Variants in CC2D1A observed in about 807,000 individuals in gnomAD.
The protein encoded by CC2D1A is coiled-coil and C2 domain-containing protein 1A.
A neutral mutation model predicts 123.8 loss-of-function variants in CC2D1A; 68 were observed. The observed-to-expected ratio is 0.55, with a 90% CI of 0.45 to 0.67. The LOEUF (loss-of-function observed/expected upper bound fraction) is 0.67. Ranked by LOEUF, CC2D1A falls within the 30% of genes least tolerant of loss-of-function variation. The pLI is 0.00. For missense variants in CC2D1A, 1,185 were observed against 1,290.3 expected (o/e 0.92, Z 1.25); for synonymous variants, 477 against 528.0 (o/e 0.90, Z 1.32).
At chr19:13,926,489 C>T in intron 17 of CC2D1A, 28 bp from the exon 18 acceptor site, 1 of 1,608,160 alleles carries the variant, frequency 6.2e-7, no homozygotes, top group Non-Finnish European at 8.5e-7. Context: ...TCCCTGCCCA[C>T]CTGCCTGCCC....
At position 13,925,949 on chromosome 19, in the gene CC2D1A, TATATATATATAC is replaced by T. The variant is rs1211175291; in HGVS notation, c.1941-566_1941-555del. 3.2e-4 allele frequency among the ~76,000 whole-genome samples: 43 copies of T among 134,218 alleles called. 2 individuals are homozygous for T. The highest frequency in any genetic ancestry group is 1.2e-3 in the African/African-American group (41 of 33,948). The allele number at this position is 134,218 out of a possible 152,430, so 88.1% of individuals were successfully genotyped here. ...AAAAAAAAAAATATATATATATATA[TATATATATATAC>T]ACGTATATATATGTGTATATATATA... On this transcript the variant is annotated intron_variant, in intron 17 of 28. Coordinates refer to ENST00000318003, the MANE Select transcript of CC2D1A (RefSeq NM_017721.5).
intron 6 of CC2D1A, among the ~76,000 whole-genome samples, chr19:13,916,828 T>C (rs1971224984): frequency 6.6e-6 from 1 of 152,188 alleles, no homozygotes; most frequent in Non-Finnish European, 1.5e-5. Context: ...TCTGGGTGTT[T>C]CCAGATTTTG....
intron 14 of CC2D1A, 33 bp downstream of exon 14, chr19:13,920,955 G>T: frequency 1.3e-6 from 2 of 1,574,182 alleles, no homozygotes. Flanking sequence ...AACTGCCCAG[G>T]CACCCACTTG....
rs1049936910 is a variant in CC2D1A at position 13,913,285 on chromosome 19, T to A, written c.496T>A (p.Tyr166Asn). Residue 166 changes from tyrosine (Y) to asparagine (N), a missense_variant, in exon 5 of 29, where the codon TAC becomes AAC. By Grantham distance (143) the Tyr-to-Asn change is moderately radical (BLOSUM62 -2). Coordinates refer to ENST00000318003, the MANE Select transcript of CC2D1A (RefSeq NM_017721.5). ...TGGAGACAGCGCCAAGATGCGGCGC[T>A]ACGATCGGGGGCTTAAAGTAAGTGG... ...QAGDSAKMRR[Y>N]DRGLKTLENL... 2 of 1,612,998 alleles carry A rather than the reference T, an allele frequency of 1.2e-6. No individual in the cohort carries two copies. The highest frequency in any genetic ancestry group is 8.5e-7 in the Non-Finnish European group (1 of 1,179,592).
chr19:13,920,381 G>GAAA (rs60377105), intron 12 of CC2D1A, 176 bp from the exon 13 acceptor site: 53 of 526,604 alleles, frequency 1.0e-4, no homozygotes, highest in Middle Eastern at 9.8e-4. Context: ...TCTCAAAAAA[G>GAAA]AAAAAAAAAA....
At position 13,920,836 on chromosome 19, in the gene CC2D1A, G is replaced by T. The variant is rs777543482; in HGVS notation, c.1555G>T (p.Gly519Cys). 8.1e-6 allele frequency: 13 copies of T among 1,614,020 alleles called. No individual in the cohort carries two copies. The African/African-American group carries it at 1.7e-4, about 22-fold the overall frequency. ...LRAKQKNDVEGAKMHLRQAKG... is the reference protein window; with the variant it reads ...LRAKQKNDVECAKMHLRQAKG... ...AGCCAAGCAGAAAAACGACGTGGAG[G>T]GTGCCAAGATGCACCTGCGCCAAGC... The change falls in exon 14 of 29, where the codon GGT becomes TGT. Residue 519 changes from glycine (G) to cysteine (C), a missense_variant. Transcript: ENST00000318003.
chr19:13,924,938 T>C (rs925117227), intron 17 of CC2D1A, among the ~76,000 whole-genome samples: 1 of 152,136 alleles, frequency 6.6e-6, no homozygotes, highest in Non-Finnish European at 1.5e-5. Context: ...CACAAGGGAC[T>C]CTTTTTGGTC....
At position 13,923,060 on chromosome 19, in the gene CC2D1A, G is replaced by A. The variant is rs1304152984; in HGVS notation, c.1642-273G>A. 6.6e-6 allele frequency among the ~76,000 whole-genome samples: 1 copy of A among 152,080 alleles called. No homozygotes were observed. Among genetic ancestry groups the A allele is most frequent in the African/African-American group, 2.4e-5 (1 of 41,398 alleles). ...ATACAAAAATTAGCCAGGTGTGGTG[G>A]CAGGCGCCTGTAATTCCAGCTACTC... On this transcript the variant is annotated intron_variant, in intron 14 of 28. Transcript: ENST00000318003. The surrounding 1 kb of genome is among the most constrained non-coding windows in gnomAD (Gnocchi z 5.3).
intron 5 of CC2D1A, 25 bp downstream of exon 5, chr19:13,913,327 A>G (rs1467520775): frequency 6.2e-6 from 10 of 1,607,346 alleles, no homozygotes; most frequent in Non-Finnish European, 8.5e-6. Context: ...GGCAGGGTAC[A>G]GGGACCCCCC....
rs1971855946 is a variant in CC2D1A, at chr19:13,930,306, A to T, written c.2835+17A>T. On this transcript the variant is annotated intron_variant, in intron 28 of 28. Transcript: ENST00000318003. The surrounding 1 kb of genome is among the most constrained non-coding windows in gnomAD (Gnocchi z 6.8). ...GAGAGTGAGGTAAGCAGCTTAGGAGATGGGGTGGTTGGGGGATCACTGTGG... is the reference window on the plus strand; with the variant it reads ...GAGAGTGAGGTAAGCAGCTTAGGAGTTGGGGTGGTTGGGGGATCACTGTGG... The T allele has an allele frequency of 6.2e-7, 1 of 1,613,646 alleles. No individual in the cohort carries two copies. The highest frequency in any genetic ancestry group is 8.5e-7 in the Non-Finnish European group (1 of 1,179,822).
intron 2 of CC2D1A, 77 bp from the exon 3 acceptor site, chr19:13,912,246 C>G: frequency 6.9e-7 from 1 of 1,450,820 alleles, no homozygotes; most frequent in Non-Finnish European, 9.3e-7. Flanking sequence ...AGTGGGATCA[C>G]CTAGCGTGTC....
chr19:13,906,530 G>C lies in CC2D1A; in HGVS notation c.60+29G>C, dbSNP rs1381016302. The C allele has an allele frequency of 2.8e-6, 4 of 1,446,216 alleles. No individual in the cohort carries two copies. The highest frequency in any genetic ancestry group is 3.6e-6 in the Non-Finnish European group (4 of 1,098,330). The allele number at this position is 1,446,216 out of a possible 1,614,324, so 89.6% of individuals were successfully genotyped here. On this transcript the variant is annotated intron_variant, in intron 1 of 28. Coordinates refer to ENST00000318003, the MANE Select transcript of CC2D1A (RefSeq NM_017721.5). The surrounding 1 kb of genome is among the most constrained non-coding windows in gnomAD (Gnocchi z 4.1). ...AGTTTGCGCCCCACGGCCCGACCTGGGGATCCCTCCCCACCCCCGTCACTC... is the reference window on the plus strand; with the variant it reads ...AGTTTGCGCCCCACGGCCCGACCTGCGGATCCCTCCCCACCCCCGTCACTC...
intron 1 of CC2D1A, among the ~76,000 whole-genome samples, chr19:13,909,103 GT>G (rs1486158200): frequency 6.6e-6 from 1 of 151,812 alleles, no homozygotes; most frequent in Non-Finnish European, 1.5e-5. Context: ...ATTTTAAAAA[GT>G]TTTTTTTCCT....
At chr19:13,918,459 C>A (rs1290009300) in intron 7 of CC2D1A, 45 bp from the exon 8 acceptor site, 13 of 1,577,132 alleles carry the variant, frequency 8.2e-6, no homozygotes, top group Non-Finnish European at 1.0e-5. Flanking sequence ...AGGGTCCAAG[C>A]CCCCAACTGC....
chr19:13,930,163 G>A lies in CC2D1A; in HGVS notation c.2787+9G>A, dbSNP rs754280155. 2 of 1,613,278 alleles carry A rather than the reference G, an allele frequency of 1.2e-6. No individual in the cohort carries two copies. Among genetic ancestry groups the A allele is most frequent in the South Asian group, 1.1e-5 (1 of 91,056 alleles). ...GCAACGATGGCAGCAGGGTGAGCTG[G>A]TCGCGGGCCGGGTGGGCACTGGGCA... On this transcript the variant is annotated intron_variant, in intron 27 of 28. Transcript: ENST00000318003. This position sits in a 1 kb window ranked among gnomAD's most constrained non-coding sequence, Gnocchi z 6.8.
At chr19:13,913,659 G>T (rs1464487040) in intron 6 of CC2D1A, 21 bp downstream of exon 6, 1 of 1,553,400 alleles carries the variant, frequency 6.4e-7, no homozygotes, top group African/African-American at 1.4e-5. Flanking sequence ...GGCAGGGCCG[G>T]GCTGATATGG....
rs1361165310 is a variant in CC2D1A at position 13,910,242 on chromosome 19, C to CAA, written c.196+299_196+300dup. ...TGAAACTCTGTCTCTACTAAAAATACAAAAAAAAAAAAAAAATTAGCCGGG... is the reference window on the plus strand; with the variant it reads ...TGAAACTCTGTCTCTACTAAAAATACAAAAAAAAAAAAAAAAAATTAGCCGGG... On this transcript the variant is annotated intron_variant, in intron 2 of 28. Transcript: ENST00000318003. Among the ~76,000 whole-genome samples, 10 of 114,578 alleles carry CAA rather than the reference C, an allele frequency of 8.7e-5. No homozygotes were observed. In the East Asian group the frequency reaches 1.2e-3, roughly 14 times the overall value. 75.2% of individuals were successfully genotyped at this position (114,578 alleles called of 152,430 possible). A position where few individuals can be genotyped will look rare whatever the true frequency, so the allele number is the denominator to read the frequency against.
At chr19:13,928,301 A>T in intron 24 of CC2D1A, 113 bp downstream of exon 24, 1 of 895,310 alleles carries the variant, frequency 1.1e-6, no homozygotes, top group Non-Finnish European at 1.7e-6. Context: ...CTGCTGCAAA[A>T]CCTTTCTTGG....
Position 13,920,931 on chromosome 19 carries a change from T to TC in CC2D1A, c.1641+10dup. The stretch of plus-strand genomic sequence containing the variant: ...CTGTGGACATCACCAAGGTGAACCT[T>TC]CTGGGCTTGTGGGAACTGCCCAGGC... On this transcript the variant is annotated intron_variant, in intron 14 of 28. Coordinates refer to ENST00000318003, the MANE Select transcript of CC2D1A (RefSeq NM_017721.5). 2 of 1,605,382 alleles carry TC rather than the reference T, an allele frequency of 1.2e-6. No homozygotes were observed. The highest frequency in any genetic ancestry group is 1.7e-6 in the Non-Finnish European group (2 of 1,174,970).
Sources: allele counts gnomAD v4.1 joint callset (sites outside exome capture counted in the v4.1 genomes callset), GRCh38; gene constraint gnomAD v4.1.1; non-coding constraint Gnocchi (gnomAD v3.1); transcripts MANE v1.5; gene names NCBI Gene and HGNC (gene_info 2026-07-23, HGNC 2026-07-21).